Variants in TMEM62 observed in about 807,000 individuals in gnomAD.
TMEM62 encodes transmembrane protein 62.
Under a neutral mutation model 70.4 loss-of-function variants are expected in TMEM62, and 41 were observed. That is an observed-to-expected ratio of 0.58 (90% CI 0.45 to 0.76). The LOEUF (loss-of-function observed/expected upper bound fraction) is 0.76. Among genes scored for constraint, TMEM62 ranks in the 30% least tolerant of loss-of-function variants. TMEM62 has a pLI of 0.00. For missense variants in TMEM62, 688 were observed against 788.5 expected (o/e 0.87, Z 1.53); for synonymous variants, 268 against 291.0 (o/e 0.92, Z 0.80).
rs137857930 is a variant in TMEM62, at chr15:43,148,930, T to C, written c.743+51T>C. On this transcript the variant is annotated intron_variant, in intron 6 of 13. Transcript: ENST00000260403. ...TTAATTTGTTTTTAGTTTTTTTATT[T>C]TGCTGTTACCTATTCTGCTTTTCTG... is the stretch of plus-strand genomic sequence containing the variant. 10,122 of 1,603,128 alleles carry C rather than the reference T, an allele frequency of 6.3e-3. 43 individuals carry two copies. The highest frequency in any genetic ancestry group is 7.7e-3 in the Middle Eastern group (46 of 5,998).
At chr15:43,175,764 C>T (rs372588576) in intron 11 of TMEM62, among the ~76,000 whole-genome samples, 8 of 152,180 alleles carry the variant, frequency 5.3e-5, no homozygotes, top group African/African-American at 1.4e-4. Flanking sequence ...ACACAGAAGA[C>T]GGGTGATTTC....
chr15:43,136,345 T>C (rs2141453494), intron 3 of TMEM62, among the ~76,000 whole-genome samples: 1 of 152,328 alleles, frequency 6.6e-6, no homozygotes, highest in South Asian at 2.1e-4. Context: ...ACTATATATT[T>C]GTCAAAATCC....
intron 11 of TMEM62, among the ~76,000 whole-genome samples, chr15:43,174,673 T>C (rs999660890): frequency 6.6e-6 from 1 of 152,234 alleles, no homozygotes; most frequent in Non-Finnish European, 1.5e-5. Context: ...ATGTAAATTG[T>C]CCAAGGTTTC....
At chr15:43,157,101 T>G (rs550974066) in intron 9 of TMEM62, among the ~76,000 whole-genome samples, 1 of 152,296 alleles carries the variant, frequency 6.6e-6, no homozygotes, top group East Asian at 1.9e-4. Context: ...ACTTATTATC[T>G]AATATTTTAC....
At chr15:43,141,148 A>AGG (rs1214006963) in intron 4 of TMEM62, among the ~76,000 whole-genome samples, 1 of 152,182 alleles carries the variant, frequency 6.6e-6, no homozygotes. Flanking sequence ...GCACCCTAAC[A>AGG]ATCTGGGAGA....
chr15:43,145,783 T>C (rs1430442364), intron 4 of TMEM62, among the ~76,000 whole-genome samples: 1 of 152,228 alleles, frequency 6.6e-6, no homozygotes, highest in Admixed American at 6.5e-5. Context: ...ATTTGAATAA[T>C]ATAGGTATGC....
chr15:43,164,147 C>T (rs1422762654), intron 10 of TMEM62, among the ~76,000 whole-genome samples: 1 of 152,130 alleles, frequency 6.6e-6, no homozygotes, highest in East Asian at 1.9e-4. Flanking sequence ...CAATATTGGT[C>T]TAAGTATCTA....
At chr15:43,141,881 G>A (rs773238323) in intron 4 of TMEM62, among the ~76,000 whole-genome samples, 2 of 152,214 alleles carry the variant, frequency 1.3e-5, no homozygotes, top group Non-Finnish European at 2.9e-5. Flanking sequence ...GAAATAGCAA[G>A]AGAACTAGAA....
chr15:43,149,056 T>A lies in TMEM62; in HGVS notation c.771T>A (p.His257Gln), dbSNP rs570601904. Residue 257 changes from histidine (H) to glutamine (Q), a missense_variant, in exon 7 of 14, where the codon CAT (histidine) becomes CAA (glutamine). Coordinates refer to ENST00000260403, the MANE Select transcript of TMEM62 (RefSeq NM_024956.4). ...CGGCTATAGCTTATTTGTGTGGACA[T>A]CTCCATACACTTGGTGGACTGATGC... ...MSSAIAYLCG[H>Q]LHTLGGLMPV... is the part of the protein sequence containing the mutation. 4.8e-5 allele frequency: 78 copies of A among 1,614,062 alleles called. No homozygotes were observed. The highest frequency in any genetic ancestry group is 6.5e-5 in the Non-Finnish European group (77 of 1,180,040).
chr15:43,164,814 G>C (rs913361003), intron 10 of TMEM62, among the ~76,000 whole-genome samples: 1 of 152,058 alleles, frequency 6.6e-6, no homozygotes, highest in African/African-American at 2.4e-5. Flanking sequence ...TCTCCTTCAT[G>C]TTTGAAGGAT....
chr15:43,184,248 G>A lies in TMEM62; in HGVS notation c.1606-12G>A, dbSNP rs1596380072. The stretch of plus-strand genomic sequence containing the variant: ...GGACTTGGGAGTAAGCTATGGTTCT[G>A]TTCTTTTCCAGCTGGCGTTTTTTAA... On this transcript the variant is annotated splice_polypyrimidine_tract_variant and intron_variant, in intron 13 of 13. Transcript: ENST00000260403. The A allele has an allele frequency of 1.2e-6, 2 of 1,607,184 alleles. No individual in the cohort carries two copies. Among genetic ancestry groups the A allele is most frequent in the South Asian group, 1.1e-5 (1 of 89,928 alleles).
At chr15:43,174,427 A>G (rs2040524961) in intron 11 of TMEM62, among the ~76,000 whole-genome samples, 1 of 152,220 alleles carries the variant, frequency 6.6e-6, no homozygotes, top group South Asian at 2.1e-4. Flanking sequence ...TAAAAATTCT[A>G]CGAAAAAGTT....
At chr15:43,145,457 G>C (rs1471819813) in intron 4 of TMEM62, among the ~76,000 whole-genome samples, 1 of 151,964 alleles carries the variant, frequency 6.6e-6, no homozygotes, top group African/African-American at 2.4e-5. Flanking sequence ...CGCCTACCTC[G>C]GCCTTCCAAA....
At chr15:43,135,443 T>C in intron 2 of TMEM62, 69 bp from the exon 3 acceptor site, 1 of 1,493,232 alleles carries the variant, frequency 6.7e-7, no homozygotes, top group Admixed American at 2.6e-5. Context: ...TCAGTGTACA[T>C]ATCTAAAAAA....
At chr15:43,172,300 T>C (rs2040272309) in intron 11 of TMEM62, among the ~76,000 whole-genome samples, 1 of 152,208 alleles carries the variant, frequency 6.6e-6, no homozygotes. Flanking sequence ...TTTACATTCA[T>C]CTAACTTATT....
intron 13 of TMEM62, 134 bp from the exon 14 acceptor site, chr15:43,184,126 G>A: frequency 1.4e-6 from 1 of 736,014 alleles, no homozygotes. Context: ...TGTGTTATAA[G>A]CAACTGTGCT....
intron 5 of TMEM62, among the ~76,000 whole-genome samples, chr15:43,148,500 G>A (rs891833809): frequency 6.6e-6 from 1 of 152,148 alleles, no homozygotes; most frequent in Non-Finnish European, 1.5e-5. Flanking sequence ...TCATTTCGCA[G>A]TTTCCTTATC....
chr15:43,136,755 CTTA>C (rs1203816659), intron 3 of TMEM62, among the ~76,000 whole-genome samples: 1 of 151,882 alleles, frequency 6.6e-6, no homozygotes, highest in Non-Finnish European at 1.5e-5. Context: ...CCACGCCTGG[CTTA>C]TTATTATTTT....
At chr15:43,166,835 G>C (rs2039481354) in intron 10 of TMEM62, among the ~76,000 whole-genome samples, 1 of 152,220 alleles carries the variant, frequency 6.6e-6, no homozygotes, top group Non-Finnish European at 1.5e-5. Context: ...ACATGTTTCA[G>C]AGAGCACAGG....
Sources: allele counts gnomAD v4.1 joint callset (sites outside exome capture counted in the v4.1 genomes callset), GRCh38; gene constraint gnomAD v4.1.1; transcripts MANE v1.5; gene names NCBI Gene and HGNC (gene_info 2026-07-23, HGNC 2026-07-21).